The following TSHZ3 variants were observed in gnomAD, a reference collection of about 807,000 sequenced individuals.
The protein encoded by TSHZ3 is teashirt zinc finger homeobox 3.
Under a neutral mutation model 64.5 loss-of-function variants are expected in TSHZ3, and 10 were observed. The observed-to-expected ratio is 0.16, with a 90% CI of 0.10 to 0.26. The LOEUF (loss-of-function observed/expected upper bound fraction) is 0.26. TSHZ3 is among the 10% of genes least tolerant of loss of function. The pLI, the probability that TSHZ3 is intolerant of heterozygous loss-of-function variation, is 1.00. For synonymous variants in TSHZ3, 608 were observed against 593.1 expected (o/e 1.03, Z -0.36); for missense variants, 1,242 against 1,421.7 (o/e 0.87, Z 2.03).
upstream of TSHZ3, among the ~76,000 whole-genome samples, chr19:31,350,022 C>T (rs891278685): frequency 1.4e-5 from 2 of 148,084 alleles, no homozygotes; most frequent in Admixed American, 1.3e-4. Flanking sequence ...CCGCCGAGCC[C>T]GTCCCGGGGC....
intron 5 of TSHZ3, among the ~76,000 whole-genome samples, chr19:31,203,280 G>T (rs1450608917): frequency 6.6e-6 from 1 of 152,152 alleles, no homozygotes; most frequent in Non-Finnish European, 1.5e-5. Context: ...CAACAAGGAG[G>T]TCGGTGTGTC....
intron 1 of TSHZ3, among the ~76,000 whole-genome samples, chr19:31,310,486 G>A (rs1353216122): frequency 6.6e-6 from 1 of 152,178 alleles, no homozygotes; most frequent in South Asian, 2.1e-4. Flanking sequence ...GGGACCCACT[G>A]CTCAGGAGAG....
At chr19:31,239,827 C>T (rs920319819) in intron 3 of TSHZ3, among the ~76,000 whole-genome samples, 15 of 152,052 alleles carry the variant, frequency 9.9e-5, no homozygotes, top group Admixed American at 8.5e-4. Flanking sequence ...AAGTGATTCT[C>T]CTACCATGGC....
At chr19:31,257,461 G>A (rs577661505) in intron 1 of TSHZ3, among the ~76,000 whole-genome samples, 1 of 152,368 alleles carries the variant, frequency 6.6e-6, no homozygotes, top group African/African-American at 2.4e-5. Context: ...AAAAGCAGCA[G>A]ATGCCCAGCC....
intron 1 of TSHZ3, among the ~76,000 whole-genome samples, chr19:31,317,772 G>A (rs757511249): frequency 4.6e-5 from 7 of 152,142 alleles, no homozygotes; most frequent in Non-Finnish European, 7.4e-5. Context: ...AATCTGACCC[G>A]GACATCCGGG....
intron 1 of TSHZ3, among the ~76,000 whole-genome samples, chr19:31,259,000 C>T (rs886828658): frequency 1.3e-5 from 2 of 152,218 alleles, no homozygotes; most frequent in African/African-American, 4.8e-5. Flanking sequence ...CTTGCTTACA[C>T]ATAGTTGGTG....
intron 5 of TSHZ3, among the ~76,000 whole-genome samples, chr19:31,196,101 A>T (rs959139671): frequency 6.6e-6 from 1 of 151,928 alleles, no homozygotes; most frequent in South Asian, 2.1e-4. Flanking sequence ...GTATGTATAC[A>T]TGTATATATT....
intron 1 of TSHZ3, among the ~76,000 whole-genome samples, chr19:31,294,002 C>A (rs965923870): frequency 3.3e-5 from 5 of 152,180 alleles, no homozygotes; most frequent in African/African-American, 1.2e-4. Flanking sequence ...ATTCCTCATT[C>A]CCACGTCACA....
chr19:31,264,710 C>CTT (rs34853915), intron 1 of TSHZ3, among the ~76,000 whole-genome samples: 96 of 143,408 alleles, frequency 6.7e-4, no homozygotes, highest in African/African-American at 1.7e-3. Context: ...GTGGGTTTTT[C>CTT]TTTTTTTTTT....
chr19:31,306,641 C>T (rs2145149125), intron 1 of TSHZ3, among the ~76,000 whole-genome samples: 1 of 152,266 alleles, frequency 6.6e-6, no homozygotes, highest in Non-Finnish European at 1.5e-5. Flanking sequence ...GGGTCTCTGC[C>T]ATTGCCACCA....
At chr19:31,312,373 T>C (rs1916482488) in intron 1 of TSHZ3, among the ~76,000 whole-genome samples, 1 of 152,126 alleles carries the variant, frequency 6.6e-6, no homozygotes, top group South Asian at 2.1e-4. Context: ...TTAAACAAAA[T>C]GTAAAGTTCA....
chr19:31,224,822 T>C (rs1975438597), intron 4 of TSHZ3, among the ~76,000 whole-genome samples: 1 of 152,250 alleles, frequency 6.6e-6, no homozygotes, highest in Non-Finnish European at 1.5e-5. Flanking sequence ...CTTTATTTGA[T>C]TCACCAGCTT....
At chr19:31,237,395 C>T (rs1357588682) in intron 3 of TSHZ3, among the ~76,000 whole-genome samples, 2 of 152,116 alleles carry the variant, frequency 1.3e-5, no homozygotes, top group African/African-American at 4.8e-5. Flanking sequence ...TTAAAATATG[C>T]ATATATTTTA....
intron 1 of TSHZ3, among the ~76,000 whole-genome samples, chr19:31,253,570 C>G (rs757604552): frequency 7.9e-5 from 12 of 152,072 alleles, no homozygotes; most frequent in Non-Finnish European, 1.6e-4. Flanking sequence ...CTATGTTGCC[C>G]AGGCAGGTCT....
chr19:31,227,908 T>G (rs1599593895), intron 4 of TSHZ3, among the ~76,000 whole-genome samples: 1 of 152,310 alleles, frequency 6.6e-6, no homozygotes, highest in Admixed American at 6.5e-5. Context: ...TCATGAAATC[T>G]TATTGGTTTA....
downstream of TSHZ3, among the ~76,000 whole-genome samples, chr19:31,271,660 T>A (rs1170776441): frequency 6.6e-6 from 1 of 152,152 alleles, no homozygotes; most frequent in East Asian, 1.9e-4. Flanking sequence ...GCACCTTTTC[T>A]GTGTTTTCTG....
At chr19:31,256,287 T>G (rs1975909716) in intron 1 of TSHZ3, among the ~76,000 whole-genome samples, 1 of 152,008 alleles carries the variant, frequency 6.6e-6, no homozygotes, top group Non-Finnish European at 1.5e-5. Flanking sequence ...TCCCTTTACA[T>G]CTCATTAGAA....
chr19:31,161,208 A>G (rs932517468), intron 5 of TSHZ3, among the ~76,000 whole-genome samples: 1 of 152,190 alleles, frequency 6.6e-6, no homozygotes, highest in African/African-American at 2.4e-5. Context: ...CATTTTAAAA[A>G]TTATTTTGGT....
intron 5 of TSHZ3, among the ~76,000 whole-genome samples, chr19:31,186,798 C>T (rs1974816659): frequency 6.6e-6 from 1 of 151,972 alleles, no homozygotes; most frequent in African/African-American, 2.4e-5. Flanking sequence ...TTTTAATTTT[C>T]ATCCTCCTTC....
Sources: allele counts gnomAD v4.1 joint callset (sites outside exome capture counted in the v4.1 genomes callset), GRCh38; gene constraint gnomAD v4.1.1; transcripts MANE v1.5; gene names NCBI Gene and HGNC (gene_info 2026-07-23, HGNC 2026-07-21).